The following PRR5L variants were observed in gnomAD, a reference collection of about 807,000 sequenced individuals.
The protein encoded by PRR5L is proline rich 5 like.
In PRR5L, 21 loss-of-function variants were observed where a neutral mutation model predicts 36.4. The ratio of observed to expected loss-of-function variants is 0.58; its 90% confidence interval spans 0.41 to 0.83. The LOEUF (loss-of-function observed/expected upper bound fraction) is 0.83. Among genes scored for constraint, PRR5L ranks in the 40% least tolerant of loss-of-function variants. The pLI is 0.00. For synonymous variants in PRR5L, 188 were observed against 197.0 expected, an observed-to-expected ratio of 0.95 and a Z score of 0.38; for missense variants, 381 against 473.3, an observed-to-expected ratio of 0.80 and a Z score of 1.81.
chr11:36,403,706 G>C (rs544443024), intron 3 of PRR5L, among the ~76,000 whole-genome samples: 4 of 152,196 alleles, frequency 2.6e-5, no homozygotes, highest in African/African-American at 7.2e-5. Context: ...AGGCAATTCA[G>C]CTTAGTTGTT....
chr11:36,417,640 T>C (rs763175250), intron 3 of PRR5L, among the ~76,000 whole-genome samples: 22 of 152,234 alleles, frequency 1.4e-4, no homozygotes, highest in Non-Finnish European at 1.0e-4. Flanking sequence ...TTGTTCAACG[T>C]GTGTTTGTGG....
At chr11:36,455,119 G>T (rs1454681700) in intron 8 of PRR5L, among the ~76,000 whole-genome samples, 1 of 152,188 alleles carries the variant, frequency 6.6e-6, no homozygotes, top group African/African-American at 2.4e-5. Flanking sequence ...GTGTCTGCCT[G>T]GGGGAGGGCC....
At chr11:36,456,891 A>C (rs1208836982) in intron 8 of PRR5L, among the ~76,000 whole-genome samples, 4 of 152,202 alleles carry the variant, frequency 2.6e-5, no homozygotes, top group Admixed American at 2.6e-4. Context: ...TCTTCTCTGC[A>C]GCTAGTGCAG....
At chr11:36,351,545 TTA>T (rs1253854545) in intron 1 of PRR5L, among the ~76,000 whole-genome samples, 1,249 of 6,470 alleles carry the variant, frequency 0.19, 376 homozygotes, top group East Asian at 0.35. Context: ...AAATATATAT[TTA>T]TATATATTTA....
chr11:36,370,892 C>A (rs78261507), intron 1 of PRR5L, among the ~76,000 whole-genome samples: 986 of 67,668 alleles, frequency 0.015, 33 homozygotes, highest in African/African-American at 0.043. Flanking sequence ...AAAAAAAAAA[C>A]AAACAAAAGA....
intron 1 of PRR5L, among the ~76,000 whole-genome samples, chr11:36,329,722 AG>A (rs1219115859): frequency 6.6e-6 from 1 of 152,214 alleles, no homozygotes; most frequent in Non-Finnish European, 1.5e-5. Flanking sequence ...GACCTTTAAA[AG>A]CCTTTGAGGC....
rs34024197 is a variant in PRR5L at position 36,397,443 on chromosome 11, C to CTTTTTT, written c.-125-3529_-125-3524dup. Among the ~76,000 whole-genome samples the CTTTTTT allele has an allele frequency of 5.4e-4, 19 of 35,108 alleles. 3 individuals are homozygous for CTTTTTT. The highest frequency in any genetic ancestry group is 1.1e-3 in the African/African-American group (10 of 8,800). The allele number at this position is 35,108 out of a possible 152,430, so 23.0% of individuals were successfully genotyped here. A position where few individuals can be genotyped will look rare whatever the true frequency, so the allele number is the denominator to read the frequency against. On this transcript the variant is annotated intron_variant, in intron 1 of 8. Coordinates refer to ENST00000530639, the MANE Select transcript of PRR5L (RefSeq NM_001160167.2). Reference sequence around the variant, plus strand: ...TTCATGTCAGCCAGGCAGCCGATGCCTTTTTTTTTTTTTTTTTTTTTTTTT... The same window carrying CTTTTTT: ...TTCATGTCAGCCAGGCAGCCGATGCCTTTTTTTTTTTTTTTTTTTTTTTTTTTTTTT...
chr11:36,381,289 C>A (rs1355835714), intron 1 of PRR5L, among the ~76,000 whole-genome samples: 1 of 152,160 alleles, frequency 6.6e-6, no homozygotes, highest in African/African-American at 2.4e-5. Flanking sequence ...TTGATGGCAT[C>A]TTTGGCAGCA....
chr11:36,354,416 C>T (rs913438138), intron 1 of PRR5L, among the ~76,000 whole-genome samples: 1 of 152,152 alleles, frequency 6.6e-6, no homozygotes, highest in Non-Finnish European at 1.5e-5. Context: ...TAGCTTTAGC[C>T]ATCTGGCTGT....
chr11:36,357,002 A>T (rs1005310449), intron 1 of PRR5L, among the ~76,000 whole-genome samples: 3 of 152,214 alleles, frequency 2.0e-5, no homozygotes, highest in African/African-American at 7.2e-5. Context: ...TGGGCCAAAC[A>T]GCCAAGTTCT....
chr11:36,320,384 C>T (rs1380182507), intron 1 of PRR5L, among the ~76,000 whole-genome samples: 1 of 148,144 alleles, frequency 6.8e-6, no homozygotes, highest in Non-Finnish European at 1.5e-5. Flanking sequence ...ACTGGGATTA[C>T]AGGTGCCTGC....
At chr11:36,395,623 T>A (rs577581247) in intron 1 of PRR5L, among the ~76,000 whole-genome samples, 60 of 152,346 alleles carry the variant, frequency 3.9e-4, no homozygotes, top group African/African-American at 1.4e-3. Context: ...TTATAATAAA[T>A]GACCAAGTAT....
intron 1 of PRR5L, among the ~76,000 whole-genome samples, chr11:36,341,991 G>C (rs1856821605): frequency 6.6e-6 from 1 of 152,252 alleles, no homozygotes. Context: ...AGTACCTACT[G>C]TTTGGTCCAC....
rs1414892582 is a variant in PRR5L, at chr11:36,296,385, A to G, written c.-179A>G. 1.3e-5 allele frequency: 2 copies of G among 152,112 alleles called. No individual in the cohort carries two copies. Among genetic ancestry groups the G allele is most frequent in the Non-Finnish European group, 2.9e-5 (2 of 68,066 alleles). The allele number at this position is 152,112 out of a possible 1,614,324, so 9.4% of individuals were successfully genotyped here. A position where few individuals can be genotyped will look rare whatever the true frequency, so the allele number is the denominator to read the frequency against. On this transcript the variant is annotated 5_prime_UTR_variant, in exon 1 of 9. Coordinates refer to ENST00000530639, the MANE Select transcript of PRR5L (RefSeq NM_001160167.2). ...CTCGGGAGGCTGGAAGGCCATGGTC[A>G]TTCACCTCTCCCCAGCAAGGTGGGA...
chr11:36,320,042 A>G (rs1440252520), intron 1 of PRR5L, among the ~76,000 whole-genome samples: 3 of 152,146 alleles, frequency 2.0e-5, no homozygotes, highest in Non-Finnish European at 4.4e-5. Context: ...AAAAGTTCCC[A>G]TATCAAGTGT....
chr11:36,431,791 GGGT>G, intron 4 of PRR5L, 59 bp from the exon 5 acceptor site: 1 of 1,480,492 alleles, frequency 6.8e-7, no homozygotes, highest in Non-Finnish European at 9.4e-7. Flanking sequence ...AAGTGGAAGA[GGGT>G]TCATCACTTA....
intron 1 of PRR5L, chr11:36,362,162 C>G (rs77150824): frequency 0.079 from 11,895 of 150,758 alleles, 549 homozygotes; most frequent in African/African-American, 0.12. Flanking sequence ...GTCCTGAAAA[C>G]AGAACTTGCT....
chr11:36,423,787 G>A lies in PRR5L; in HGVS notation c.294+4484G>A, dbSNP rs529752578. Among the ~76,000 whole-genome samples the A allele has an allele frequency of 5.9e-5, 9 of 152,294 alleles. No homozygotes were observed. The South Asian group carries it at 1.9e-3, about 32-fold the overall frequency. ...GTTTTTAGGTGAGAGGTCATCAGAG[G>A]TTGCATTTTTTGATTTGGCCAGTAC... On this transcript the variant is annotated intron_variant, in intron 4 of 8. Transcript: ENST00000530639.
intron 1 of PRR5L, among the ~76,000 whole-genome samples, chr11:36,330,042 T>C (rs1472519829): frequency 6.6e-6 from 1 of 152,244 alleles, no homozygotes; most frequent in African/African-American, 2.4e-5. Flanking sequence ...ATATAACCTA[T>C]GTTTCCAATT....
Sources: allele counts gnomAD v4.1 joint callset (sites outside exome capture counted in the v4.1 genomes callset), GRCh38; gene constraint gnomAD v4.1.1; transcripts MANE v1.5; gene names NCBI Gene and HGNC (gene_info 2026-07-23, HGNC 2026-07-21).